Variants in SRD5A2 observed in about 807,000 individuals in gnomAD.
SRD5A2 encodes the protein steroid 5 alpha-reductase 2.
A neutral mutation model predicts 27.4 loss-of-function variants in SRD5A2; 30 were observed. The observed-to-expected ratio is 1.10, with a 90% CI of 0.82 to 1.49. The LOEUF is 1.49. Among genes scored for constraint, SRD5A2 ranks in the 40% most tolerant of loss-of-function variants. SRD5A2 has a pLI of 0.00. For synonymous variants in SRD5A2, 141 were observed against 133.6 expected, an observed-to-expected ratio of 1.06 and a Z score of -0.38; for missense variants, 348 against 323.4, an observed-to-expected ratio of 1.08 and a Z score of -0.58.
At chr2:31,579,263 G>C (rs1667020446) in intron 1 of SRD5A2, among the ~76,000 whole-genome samples, 1 of 152,220 alleles carries the variant, frequency 6.6e-6, no homozygotes, top group Admixed American at 6.5e-5. Flanking sequence ...AGAAGATTCA[G>C]AGGATAAGAG....
At chr2:31,630,908 G>T in the SRD5A2 span, among the ~76,000 whole-genome samples, 1 of 152,140 alleles carries the variant, frequency 6.6e-6, no homozygotes, top group Non-Finnish European at 1.5e-5. Context: ...GCTCCTCTCA[G>T]GTGATTGAGT....
intron 1 of SRD5A2, among the ~76,000 whole-genome samples, chr2:31,559,733 T>A (rs1355875004): frequency 6.6e-6 from 1 of 152,128 alleles, no homozygotes; most frequent in African/African-American, 2.4e-5. Flanking sequence ...CTAGACTCTA[T>A]GTCAACAAGT....
intron 1 of SRD5A2, among the ~76,000 whole-genome samples, chr2:31,554,188 C>T (rs967180548): frequency 5.3e-5 from 8 of 151,756 alleles, no homozygotes; most frequent in Non-Finnish European, 8.8e-5. Context: ...CACTTGCAAC[C>T]GATCTAGGAG....
the SRD5A2 span, among the ~76,000 whole-genome samples, chr2:31,591,410 T>C: frequency 6.6e-6 from 1 of 152,072 alleles, no homozygotes; most frequent in Non-Finnish European, 1.5e-5. Context: ...CCAGTTAAAA[T>C]GGCGATCATT....
chr2:31,611,529 C>T, the SRD5A2 span, among the ~76,000 whole-genome samples: 42 of 152,018 alleles, frequency 2.8e-4, 1 homozygote, highest in African/African-American at 9.9e-4. Flanking sequence ...TAAAAATAGG[C>T]AAAAGACTTA....
the SRD5A2 span, among the ~76,000 whole-genome samples, chr2:31,601,289 A>T: frequency 2.6e-5 from 4 of 152,124 alleles, no homozygotes; most frequent in African/African-American, 9.7e-5. Context: ...TACTATAAAC[A>T]TCTCTATGCA....
At chr2:31,593,772 G>A in the SRD5A2 span, among the ~76,000 whole-genome samples, 1 of 152,096 alleles carries the variant, frequency 6.6e-6, no homozygotes, top group Non-Finnish European at 1.5e-5. Context: ...CAAGATGAAG[G>A]AAAGAATCTT....
chr2:31,632,186 T>G, the SRD5A2 span, among the ~76,000 whole-genome samples: 1 of 151,764 alleles, frequency 6.6e-6, no homozygotes, highest in African/African-American at 2.4e-5. Flanking sequence ...CAACCTTGGT[T>G]TTTTATAATA....
chr2:31,541,390 C>T (rs1303931991), intron 1 of SRD5A2, among the ~76,000 whole-genome samples: 1 of 151,570 alleles, frequency 6.6e-6, no homozygotes, highest in Non-Finnish European at 1.5e-5. Flanking sequence ...AAATATAGCC[C>T]ATTCAAAGGA....
chr2:31,608,789 G>C, the SRD5A2 span, among the ~76,000 whole-genome samples: 1 of 151,956 alleles, frequency 6.6e-6, no homozygotes, highest in African/African-American at 2.4e-5. Context: ...TAAGTGAAAA[G>C]ATATCCCATG....
At chr2:31,572,610 T>C (rs575764975) in intron 1 of SRD5A2, among the ~76,000 whole-genome samples, 10 of 152,240 alleles carry the variant, frequency 6.6e-5, no homozygotes, top group African/African-American at 2.4e-4. Flanking sequence ...AACAACCCAA[T>C]ACACTAGAAC....
At chr2:31,552,658 C>T (rs999970292) in intron 1 of SRD5A2, among the ~76,000 whole-genome samples, 1 of 151,984 alleles carries the variant, frequency 6.6e-6, no homozygotes, top group African/African-American at 2.4e-5. Flanking sequence ...TCCACTCAAC[C>T]CAAAGGACTG....
chr2:31,565,403 T>C (rs1666710053), intron 1 of SRD5A2, among the ~76,000 whole-genome samples: 1 of 151,860 alleles, frequency 6.6e-6, no homozygotes, highest in Admixed American at 6.6e-5. Context: ...ATTGTCAGAA[T>C]GGCAGGGGCA....
At chr2:31,625,864 G>A in the SRD5A2 span, among the ~76,000 whole-genome samples, 349 of 152,110 alleles carry the variant, frequency 2.3e-3, no homozygotes, top group African/African-American at 7.7e-3. Flanking sequence ...GGTTCCATAC[G>A]AACTTTAAAG....
chr2:31,598,018 C>T, the SRD5A2 span, among the ~76,000 whole-genome samples: 1 of 152,204 alleles, frequency 6.6e-6, no homozygotes, highest in Non-Finnish European at 1.5e-5. Context: ...TATAGCAGCA[C>T]AATTCATAAT....
the SRD5A2 span, among the ~76,000 whole-genome samples, chr2:31,593,571 G>T: frequency 2.6e-5 from 4 of 152,134 alleles, no homozygotes; most frequent in African/African-American, 9.7e-5. Flanking sequence ...AGAATAATTG[G>T]TGTTCTTTGT....
intron 1 of SRD5A2, among the ~76,000 whole-genome samples, chr2:31,537,768 C>A (rs966336362): frequency 6.6e-6 from 1 of 152,136 alleles, no homozygotes; most frequent in Admixed American, 6.6e-5. Flanking sequence ...TGCAACGGTG[C>A]TGAAAGGTGG....
chr2:31,538,189 C>T (rs1666063549), intron 1 of SRD5A2, among the ~76,000 whole-genome samples: 1 of 152,076 alleles, frequency 6.6e-6, no homozygotes, highest in Admixed American at 6.6e-5. Context: ...ACAGTCAAAC[C>T]CAAACCTCTG....
chr2:31,599,827 A>G, the SRD5A2 span, among the ~76,000 whole-genome samples: 2 of 151,902 alleles, frequency 1.3e-5, no homozygotes, highest in African/African-American at 4.8e-5. Flanking sequence ...ACAATGTAAA[A>G]GATTTTTTTC....
Sources: gnomAD v4.1 joint callset for allele counts (sites outside exome capture counted in the v4.1 genomes callset) on GRCh38, gnomAD v4.1.1 for gene constraint, MANE v1.5 for transcripts, NCBI Gene and HGNC (gene_info 2026-07-23, HGNC 2026-07-21) for gene names.